Variants in ERC2 observed in about 807,000 individuals in gnomAD.
The protein encoded by ERC2 is ERC protein 2.
ERC2 carries 42 observed loss-of-function variants against 114.8 expected under a neutral mutation model. The ratio of observed to expected loss-of-function variants is 0.37; its 90% CI spans 0.29 to 0.47. ERC2 has a LOEUF of 0.47. Among genes scored for constraint, ERC2 ranks in the 20% least tolerant of loss-of-function variants. ERC2 has a pLI of 0.99. For missense variants in ERC2, 939 were observed against 1,150.7 expected (o/e 0.82, Z 2.66); for synonymous variants, 454 against 425.5 (o/e 1.07, Z -0.82).
At chr3:56,286,107 T>C (rs1178950293) in intron 3 of ERC2, among the ~76,000 whole-genome samples, 1 of 152,100 alleles carries the variant, frequency 6.6e-6, no homozygotes, top group Non-Finnish European at 1.5e-5. Flanking sequence ...ACTACAGATC[T>C]AATAACTGTG....
chr3:56,059,620 G>A (rs2076167190), intron 7 of ERC2, among the ~76,000 whole-genome samples: 1 of 152,078 alleles, frequency 6.6e-6, no homozygotes, highest in South Asian at 2.1e-4. Flanking sequence ...AGGAGAGTTG[G>A]ATGTATTCTC....
At chr3:55,750,316 T>A (rs932022254) in intron 14 of ERC2, among the ~76,000 whole-genome samples, 1 of 152,200 alleles carries the variant, frequency 6.6e-6, no homozygotes, top group Non-Finnish European at 1.5e-5. Context: ...CGTTGTTTCA[T>A]TTAGTCTGCT....
intron 2 of ERC2, among the ~76,000 whole-genome samples, chr3:56,307,582 A>G (rs1437062086): frequency 6.6e-6 from 1 of 152,178 alleles, no homozygotes; most frequent in Non-Finnish European, 1.5e-5. Context: ...AACTTCAAAT[A>G]CTGGTGACAT....
At chr3:56,252,483 A>G (rs1371231520) in intron 3 of ERC2, among the ~76,000 whole-genome samples, 4 of 152,122 alleles carry the variant, frequency 2.6e-5, no homozygotes, top group Non-Finnish European at 5.9e-5. Context: ...GGCCGGGCAC[A>G]GTGGCTCATG....
intron 2 of ERC2, among the ~76,000 whole-genome samples, chr3:56,357,050 C>T (rs2150546285): frequency 6.6e-6 from 1 of 152,266 alleles, no homozygotes; most frequent in African/African-American, 2.4e-5. Flanking sequence ...ATATTTTTTG[C>T]AGGCCTCACA....
intron 17 of ERC2, among the ~76,000 whole-genome samples, chr3:55,543,907 C>T (rs1167244): frequency 0.35 from 52,698 of 152,090 alleles, 11,175 homozygotes; most frequent in East Asian, 0.72. Context: ...CCCCACGATC[C>T]TCAATTCAGA....
chr3:56,018,836 C>G, intron 8 of ERC2, 58 bp downstream of exon 8: 1 of 1,572,932 alleles, frequency 6.4e-7, no homozygotes, highest in Non-Finnish European at 8.6e-7. Flanking sequence ...TTGGGATCAA[C>G]TTTCCCCAAC....
intron 7 of ERC2, among the ~76,000 whole-genome samples, chr3:56,056,839 T>A (rs1243805925): frequency 5.9e-5 from 9 of 152,176 alleles, no homozygotes; most frequent in Non-Finnish European, 1.5e-5. Flanking sequence ...AGGCATACTC[T>A]TTTTTAAAAA....
rs185541973 is a variant in ERC2 at position 55,566,579 on chromosome 3, G to A, written c.*40-55303C>T. On this transcript the variant is annotated intron_variant, in intron 17 of 17. Transcript: ENST00000288221. ...TCTGAGTAGCTGAGATTACAGGTCT[G>A]TGCCACCACCCCTGTTTAAGTTTTG... Among the ~76,000 whole-genome samples, 8 of 152,160 alleles carry A rather than the reference G, an allele frequency of 5.3e-5. No individual in the cohort carries two copies. The East Asian group carries it at 1.5e-3, about 29-fold the overall frequency.
intron 6 of ERC2, among the ~76,000 whole-genome samples, chr3:56,124,902 A>G (rs908654381): frequency 6.6e-6 from 1 of 152,238 alleles, no homozygotes; most frequent in African/African-American, 2.4e-5. Flanking sequence ...TCACTGTCTT[A>G]TTCTCTGAAA....
intron 2 of ERC2, among the ~76,000 whole-genome samples, chr3:56,360,917 T>C (rs2058932276): frequency 6.6e-6 from 1 of 151,668 alleles, no homozygotes; most frequent in Admixed American, 6.6e-5. Context: ...CAAAAATAAA[T>C]AAACAAGTAA....
chr3:56,243,556 A>T (rs548698545), intron 3 of ERC2, among the ~76,000 whole-genome samples: 1 of 152,368 alleles, frequency 6.6e-6, no homozygotes, highest in South Asian at 2.1e-4. Context: ...AAATGGAAGA[A>T]GAACACAGTC....
intron 14 of ERC2, among the ~76,000 whole-genome samples, chr3:55,843,338 T>G (rs192198371): frequency 6.6e-6 from 1 of 152,212 alleles, no homozygotes; most frequent in Non-Finnish European, 1.5e-5. Context: ...TGGTTTCCTG[T>G]CAAACCATTT....
chr3:56,362,168 A>T, intron 2 of ERC2, among the ~76,000 whole-genome samples: 1 of 152,182 alleles, frequency 6.6e-6, no homozygotes, highest in East Asian at 1.9e-4. Context: ...AGCCAGAGAG[A>T]CGGAGGAAGG....
rs2060356914 is a variant in ERC2, at chr3:56,397,519, A to G, written c.657+36832T>C. On this transcript the variant is annotated intron_variant, in intron 2 of 17. Transcript: ENST00000288221. ...TCTGTTCTGTAGCTTGCTTTTTTCC[A>G]CTTACATAATGATGCAACTGTTTCA... is the stretch of plus-strand genomic sequence containing the variant. 2.0e-5 allele frequency among the ~76,000 whole-genome samples: 3 copies of G among 152,026 alleles called. 1 individual carries two copies. In the South Asian group the frequency reaches 6.2e-4, roughly 32 times the overall value.
At chr3:56,387,939 T>C (rs1174147232) in intron 2 of ERC2, among the ~76,000 whole-genome samples, 3 of 152,210 alleles carry the variant, frequency 2.0e-5, no homozygotes, top group Non-Finnish European at 2.9e-5. Flanking sequence ...AAATATCTTC[T>C]TATTACACAT....
chr3:56,109,591 C>T lies in ERC2; in HGVS notation c.1474-28607G>A, dbSNP rs148486882. On this transcript the variant is annotated intron_variant, in intron 6 of 17. Transcript: ENST00000288221. Reference sequence around the variant, plus strand: ...CACGAATTATAGTCCATGCACATAACAGAATATGATGCAGCAGTGAAAAGC... The same window carrying T: ...CACGAATTATAGTCCATGCACATAATAGAATATGATGCAGCAGTGAAAAGC... 7.2e-3 allele frequency among the ~76,000 whole-genome samples: 1,102 copies of T among 152,164 alleles called. 7 individuals carry two copies. Among genetic ancestry groups the T allele is most frequent in the Middle Eastern group, 0.024 (7 of 294 alleles).
At chr3:56,412,652 T>C (rs547658427) in intron 2 of ERC2, among the ~76,000 whole-genome samples, 72 of 152,286 alleles carry the variant, frequency 4.7e-4, no homozygotes, top group African/African-American at 1.7e-3. Flanking sequence ...TCCAACCACC[T>C]GGGTTGGCTT....
chr3:56,286,414 CAAAAAAA>C (rs778645110), intron 3 of ERC2, among the ~76,000 whole-genome samples: 12 of 30,334 alleles, frequency 4.0e-4, no homozygotes, highest in African/African-American at 1.1e-3. Flanking sequence ...AACTCCATCT[CAAAAAAA>C]AAAAAAAAAA....
Sources: allele counts gnomAD v4.1 joint callset (sites outside exome capture counted in the v4.1 genomes callset), GRCh38; gene constraint gnomAD v4.1.1; transcripts MANE v1.5; gene names NCBI Gene and HGNC (gene_info 2026-07-23, HGNC 2026-07-21).